The following NOS1AP variants were observed in gnomAD, a reference collection of about 807,000 sequenced individuals.
NOS1AP encodes nitric oxide synthase 1 adaptor protein, also known as carboxyl-terminal PDZ ligand of neuronal nitric oxide synthase protein.
A neutral mutation model predicts 56.2 loss-of-function variants in NOS1AP; 21 were observed. The observed-to-expected ratio is 0.37, with a 90% CI of 0.26 to 0.54. The LOEUF (loss-of-function observed/expected upper bound fraction) is 0.54. Among genes scored for constraint, NOS1AP ranks in the 20% least tolerant of loss-of-function variants. The probability of loss-of-function intolerance (pLI) is 0.84; values close to 1 mark genes in which losing one functional copy is unlikely to be tolerated. For missense variants in NOS1AP, 522 were observed against 657.8 expected (o/e 0.79, Z 2.26); for synonymous variants, 270 against 274.6 (o/e 0.98, Z 0.17).
intron 2 of NOS1AP, among the ~76,000 whole-genome samples, chr1:162,230,493 T>G (rs189183670): frequency 8.5e-5 from 13 of 152,304 alleles, no homozygotes; most frequent in African/African-American, 2.9e-4. Context: ...CTAAAAAGAA[T>G]CTGGTGATAC....
chr1:162,268,321 C>G (rs191490698), intron 2 of NOS1AP, among the ~76,000 whole-genome samples: 8,379 of 151,776 alleles, frequency 0.055, 553 homozygotes, highest in African/African-American at 0.16. Flanking sequence ...GCTCCCCCCC[C>G]CTATTTCTAG....
intron 2 of NOS1AP, among the ~76,000 whole-genome samples, chr1:162,167,998 C>CAA (rs33932029): frequency 0.47 from 65,339 of 139,116 alleles, 18,636 homozygotes; most frequent in Non-Finnish European, 0.64. Context: ...AGTGGCTAGT[C>CAA]AAAAAAAAAA....
rs116245097 is a variant in NOS1AP at position 162,197,371 on chromosome 1, C to T, written c.177+42895C>T. ...ATTTCCTCATGCCCCGTGGAGGGCA[C>T]ACGCATGATGGTGCTCTGCCGAGCC... is the stretch of plus-strand genomic sequence containing the variant. On this transcript the variant is annotated intron_variant, in intron 2 of 9. Transcript: ENST00000361897. 4.1e-3 allele frequency among the ~76,000 whole-genome samples: 630 copies of T among 152,242 alleles called. 5 individuals are homozygous for T. Among genetic ancestry groups the T allele is most frequent in the African/African-American group, 0.014 (594 of 41,544 alleles).
chr1:162,193,504 TGAGTGGAGTAAG>T (rs1281014566), intron 2 of NOS1AP, among the ~76,000 whole-genome samples: 3 of 152,178 alleles, frequency 2.0e-5, no homozygotes, highest in Non-Finnish European at 2.9e-5. Flanking sequence ...CAATCAGGTC[TGAGTGGAGTAAG>T]GAGAGGGTAT....
At chr1:162,109,079 CCAT>C (rs1011203382) in intron 1 of NOS1AP, among the ~76,000 whole-genome samples, 7 of 152,168 alleles carry the variant, frequency 4.6e-5, no homozygotes, top group Admixed American at 3.9e-4. Flanking sequence ...ATTTATAAAA[CCAT>C]CAGATGTTGT....
intron 2 of NOS1AP, among the ~76,000 whole-genome samples, chr1:162,283,647 G>A (rs1289179380): frequency 6.6e-6 from 1 of 152,154 alleles, no homozygotes; most frequent in African/African-American, 2.4e-5. Context: ...GACTGGCACG[G>A]CACATTAAGT....
intron 3 of NOS1AP, among the ~76,000 whole-genome samples, chr1:162,290,789 T>A (rs1314946917): frequency 6.6e-6 from 1 of 152,178 alleles, no homozygotes; most frequent in Non-Finnish European, 1.5e-5. Flanking sequence ...GGAGGGACCC[T>A]CACCCCAGAT....
At chr1:162,366,242 G>A (rs1394701007) in intron 9 of NOS1AP, among the ~76,000 whole-genome samples, 1 of 152,154 alleles carries the variant, frequency 6.6e-6, no homozygotes, top group Non-Finnish European at 1.5e-5. Flanking sequence ...CAGAGTGTGT[G>A]TGGGCTGTGG....
chr1:162,194,967 C>A (rs1651758801), intron 2 of NOS1AP, among the ~76,000 whole-genome samples: 1 of 152,118 alleles, frequency 6.6e-6, no homozygotes, highest in South Asian at 2.1e-4. Context: ...TTAACCCTAT[C>A]CAGTCACTCC....
chr1:162,111,722 A>T (rs1007964103), intron 1 of NOS1AP, among the ~76,000 whole-genome samples: 5 of 152,240 alleles, frequency 3.3e-5, no homozygotes, highest in African/African-American at 1.2e-4. Flanking sequence ...GCCAAATACA[A>T]GGAGAATATT....
intron 2 of NOS1AP, among the ~76,000 whole-genome samples, chr1:162,281,859 G>C (rs1026959089): frequency 1.3e-5 from 2 of 152,160 alleles, no homozygotes; most frequent in African/African-American, 4.8e-5. Context: ...GGTGGCTCAC[G>C]CCTGTAATCC....
chr1:162,350,737 G>A (rs777345322), intron 6 of NOS1AP, among the ~76,000 whole-genome samples: 1 of 152,130 alleles, frequency 6.6e-6, no homozygotes. Flanking sequence ...TAGAATCCTC[G>A]TGTCGTACAT....
intron 5 of NOS1AP, among the ~76,000 whole-genome samples, chr1:162,333,952 G>C (rs1656858278): frequency 6.6e-6 from 1 of 152,138 alleles, no homozygotes; most frequent in African/African-American, 2.4e-5. Context: ...CTGTTTTTCT[G>C]CAGAAGAGAT....
At chr1:162,362,852 A>C (rs1657949382) in intron 8 of NOS1AP, 1 of 552,206 alleles carries the variant, frequency 1.8e-6, no homozygotes, top group Non-Finnish European at 2.3e-6. Context: ...CTTTCCAAAG[A>C]GGAGAAAACC....
At chr1:162,090,676 TAG>T (rs1692110455) in intron 1 of NOS1AP, among the ~76,000 whole-genome samples, 1 of 152,076 alleles carries the variant, frequency 6.6e-6, no homozygotes. Context: ...AGGCAGTTTT[TAG>T]GTTTATTTTT....
intron 2 of NOS1AP, among the ~76,000 whole-genome samples, chr1:162,275,160 T>A (rs901931293): frequency 1.3e-5 from 2 of 152,156 alleles, no homozygotes; most frequent in African/African-American, 4.8e-5. Flanking sequence ...ACAAAGTTTT[T>A]TGTTGTCGTT....
At chr1:162,231,940 G>A (rs1253409216) in intron 2 of NOS1AP, among the ~76,000 whole-genome samples, 1 of 152,142 alleles carries the variant, frequency 6.6e-6, no homozygotes, top group African/African-American at 2.4e-5. Context: ...GTTATCTTTG[G>A]GAATTAGTAT....
chr1:162,259,283 T>A (rs1654130903), intron 2 of NOS1AP, among the ~76,000 whole-genome samples: 1 of 152,202 alleles, frequency 6.6e-6, no homozygotes, highest in African/African-American at 2.4e-5. Context: ...GAGTTGTAAA[T>A]CAGACTATTC....
rs1453998335 is a variant in NOS1AP, at chr1:162,312,665, A to G, written c.344+11959A>G. Among the ~76,000 whole-genome samples the G allele has an allele frequency of 3.6e-4, 54 of 151,336 alleles. 1 individual carries two copies. Among genetic ancestry groups the G allele is most frequent in the African/African-American group, 1.3e-3 (53 of 41,100 alleles). On this transcript the variant is annotated intron_variant, in intron 4 of 9. Coordinates refer to ENST00000361897, the MANE Select transcript of NOS1AP (RefSeq NM_014697.3). The stretch of plus-strand genomic sequence containing the variant: ...AGACATGAAGTCCTTGCCCATGCCT[A>G]TGTCCTGAATGGTAATGCCTAGGTT...
Sources: allele counts gnomAD v4.1 joint callset (sites outside exome capture counted in the v4.1 genomes callset), GRCh38; gene constraint gnomAD v4.1.1; transcripts MANE v1.5; gene names NCBI Gene and HGNC (gene_info 2026-07-23, HGNC 2026-07-21).